The following NIBAN1 variants were observed in gnomAD, a reference collection of about 807,000 sequenced individuals.
NIBAN1 encodes the protein niban apoptosis regulator 1, also known as protein Niban 1.
A neutral mutation model predicts 75.1 loss-of-function variants in NIBAN1; 81 were observed. That is an observed-to-expected ratio of 1.08 (90% CI 0.90 to 1.30). The LOEUF is 1.30. Among genes scored for constraint, NIBAN1 ranks in the 50% most tolerant of loss-of-function variants. The pLI is 0.00. For missense variants in NIBAN1, 1,133 were observed against 1,128.1 expected, an observed-to-expected ratio of 1.00 and a Z score of -0.06; for synonymous variants, 436 against 424.8, an observed-to-expected ratio of 1.03 and a Z score of -0.32.
At chr1:184,822,776 G>C (rs1278415556) in intron 8 of NIBAN1, among the ~76,000 whole-genome samples, 1 of 152,176 alleles carries the variant, frequency 6.6e-6, no homozygotes, top group Non-Finnish European at 1.5e-5. Flanking sequence ...TATATGCCAG[G>C]CGTGACACCA....
chr1:184,841,449 T>C (rs1655285552), intron 5 of NIBAN1, among the ~76,000 whole-genome samples: 1 of 152,226 alleles, frequency 6.6e-6, no homozygotes, highest in Non-Finnish European at 1.5e-5. Flanking sequence ...TCCATGGCTC[T>C]AGCTCATGCT....
chr1:184,955,792 T>C (rs1658473985), intron 1 of NIBAN1, among the ~76,000 whole-genome samples: 1 of 152,180 alleles, frequency 6.6e-6, no homozygotes, highest in Admixed American at 6.5e-5. Flanking sequence ...ATAGGACTTT[T>C]GACAGGAATT....
intron 1 of NIBAN1, among the ~76,000 whole-genome samples, chr1:184,912,547 T>C (rs764925627): frequency 6.6e-6 from 1 of 152,144 alleles, no homozygotes; most frequent in African/African-American, 2.4e-5. Context: ...TTTCAACAGG[T>C]GAAAAATGGT....
At chr1:184,816,860 AATTATT>A (rs140305141) in intron 9 of NIBAN1, among the ~76,000 whole-genome samples, 2 of 149,716 alleles carry the variant, frequency 1.3e-5, no homozygotes, top group African/African-American at 2.4e-5. Context: ...AAAAGGGGGG[AATTATT>A]ATTATTATTA....
At chr1:184,959,348 A>T (rs1658571713) in intron 1 of NIBAN1, among the ~76,000 whole-genome samples, 1 of 152,190 alleles carries the variant, frequency 6.6e-6, no homozygotes, top group Admixed American at 6.5e-5. Context: ...TTGCCTGAAG[A>T]CTGGAGACTA....
At chr1:184,894,271 T>A (rs1656744014) in intron 2 of NIBAN1, 65 bp from the exon 3 acceptor site, 1 of 1,470,744 alleles carries the variant, frequency 6.8e-7, no homozygotes, top group Non-Finnish European at 9.0e-7. Flanking sequence ...ACCACAAAGT[T>A]ATCCATGCTA....
chr1:184,886,975 G>T lies in NIBAN1; in HGVS notation c.434-2175C>A, dbSNP rs139149852. On this transcript the variant is annotated intron_variant, in intron 4 of 13. Transcript: ENST00000367511. ...ATCTCTACTAAAAATACAAAAATTA[G>T]CCGGGAGTGGTGGCATGCACCTGTA... is the stretch of plus-strand genomic sequence containing the variant. Among the ~76,000 whole-genome samples, 632 of 152,196 alleles carry T rather than the reference G, an allele frequency of 4.2e-3. 6 individuals are homozygous for T. The highest frequency in any genetic ancestry group is 0.014 in the African/African-American group (593 of 41,530).
chr1:184,929,645 T>C (rs1451906775), intron 1 of NIBAN1, among the ~76,000 whole-genome samples: 1 of 152,204 alleles, frequency 6.6e-6, no homozygotes, highest in African/African-American at 2.4e-5. Flanking sequence ...TGTAAGATTT[T>C]CCCTCTGAAA....
chr1:184,900,886 A>G (rs1318551891), intron 1 of NIBAN1, among the ~76,000 whole-genome samples: 1 of 152,236 alleles, frequency 6.6e-6, no homozygotes, highest in Non-Finnish European at 1.5e-5. Context: ...AAGTACTTTC[A>G]TATGAACTTG....
rs1205577801 is a variant in NIBAN1, at chr1:184,823,864, T to C, written c.718-122A>G. Reference sequence around the variant, plus strand: ...CGGACCAGATGAACTCTGTAGTAGGTTAATAGTTTAACCTACTACAGAGGC... The same window carrying C: ...CGGACCAGATGAACTCTGTAGTAGGCTAATAGTTTAACCTACTACAGAGGC... On this transcript the variant is annotated intron_variant, in intron 6 of 13. Transcript: ENST00000367511. 1.5e-5 allele frequency: 11 copies of C among 713,084 alleles called. No homozygotes were observed. The Admixed American group carries it at 2.5e-4, about 16-fold the overall frequency. 44.2% of individuals were successfully genotyped at this position (713,084 alleles called of 1,614,324 possible).
intron 5 of NIBAN1, among the ~76,000 whole-genome samples, chr1:184,839,073 CT>C (rs1291137435): frequency 1.3e-5 from 2 of 152,126 alleles, no homozygotes; most frequent in East Asian, 3.8e-4. Flanking sequence ...TACTGAGTCC[CT>C]ACCATGGAGT....
At chr1:184,825,703 C>G (rs1325860474) in intron 6 of NIBAN1, among the ~76,000 whole-genome samples, 1 of 152,190 alleles carries the variant, frequency 6.6e-6, no homozygotes, top group Admixed American at 6.5e-5. Context: ...CTTCTTTACC[C>G]CTGCTCCTGA....
chr1:184,909,525 A>G (rs1657186946), intron 1 of NIBAN1, among the ~76,000 whole-genome samples: 1 of 152,188 alleles, frequency 6.6e-6, no homozygotes, highest in Non-Finnish European at 1.5e-5. Context: ...AGAAAATGGA[A>G]GGTAGTATTG....
chr1:184,936,107 C>T (rs1013082426), intron 1 of NIBAN1, among the ~76,000 whole-genome samples: 2 of 151,956 alleles, frequency 1.3e-5, no homozygotes, highest in Non-Finnish European at 2.9e-5. Context: ...GAGCTTGCCA[C>T]TCAGAACTGA....
At chr1:184,909,244 C>T (rs1296554404) in intron 1 of NIBAN1, among the ~76,000 whole-genome samples, 1 of 152,210 alleles carries the variant, frequency 6.6e-6, no homozygotes, top group Admixed American at 6.5e-5. Context: ...TCAGTGATTT[C>T]CCTTCCAACA....
chr1:184,823,166 C>A lies in NIBAN1; in HGVS notation c.985+1G>T. ...TAAGAGCATGGATTATCTCTACTGA[C>A]CTTTGATCTTTCCAATTAAATAGTT... On this transcript the variant is annotated splice_donor_variant, in intron 8 of 13. Coordinates refer to ENST00000367511, the MANE Select transcript of NIBAN1 (RefSeq NM_052966.4). LOFTEE classifies it high-confidence loss of function. The A allele has an allele frequency of 6.2e-7, 1 of 1,613,952 alleles. No individual in the cohort carries two copies. The highest frequency in any genetic ancestry group is 8.5e-7 in the Non-Finnish European group (1 of 1,179,908).
At chr1:184,952,862 C>A (rs189391863) in intron 1 of NIBAN1, among the ~76,000 whole-genome samples, 36 of 152,294 alleles carry the variant, frequency 2.4e-4, no homozygotes, top group Admixed American at 1.8e-3. Context: ...CAAACAAGTT[C>A]TTCTACACCA....
chr1:184,911,703 T>A (rs942370487), intron 1 of NIBAN1, among the ~76,000 whole-genome samples: 1 of 152,210 alleles, frequency 6.6e-6, no homozygotes, highest in Non-Finnish European at 1.5e-5. Flanking sequence ...ATTTAAAAAG[T>A]CTTTAACAAA....
intron 5 of NIBAN1, chr1:184,867,735 C>G (rs1655995246): frequency 2.6e-6 from 1 of 391,710 alleles, no homozygotes; most frequent in South Asian, 1.1e-4. Flanking sequence ...AAATCATCCT[C>G]AAACTCTCCT....
Sources: gnomAD v4.1 joint callset for allele counts (sites outside exome capture counted in the v4.1 genomes callset) on GRCh38, gnomAD v4.1.1 for gene constraint, MANE v1.5 for transcripts, NCBI Gene and HGNC (gene_info 2026-07-23, HGNC 2026-07-21) for gene names.